ATP10B: variants seen among roughly 807,000 people sequenced by gnomAD.
ATP10B encodes the protein ATPase phospholipid transporting 10B (putative).
In ATP10B, 122 loss-of-function variants were observed where a neutral mutation model predicts 141.2. The observed-to-expected ratio is 0.86, with a 90% CI of 0.75 to 1.00. The LOEUF is 1.00. Ranked by LOEUF, ATP10B falls within the 50% of genes least tolerant of loss-of-function variation. ATP10B has a pLI of 0.00. For missense variants in ATP10B, 1,876 were observed against 1,825.3 expected (o/e 1.03, Z -0.51); for synonymous variants, 685 against 692.0 (o/e 0.99, Z 0.16).
chr5:160,735,192 C>T (rs1055439428), intron 2 of ATP10B, among the ~76,000 whole-genome samples: 18 of 150,052 alleles, frequency 1.2e-4, no homozygotes, highest in Admixed American at 6.6e-5. Flanking sequence ...ACTAAAATCT[C>T]TAATCAAAAA....
intron 1 of ATP10B, among the ~76,000 whole-genome samples, chr5:160,819,087 G>A (rs180840875): frequency 1.6e-3 from 250 of 152,042 alleles, no homozygotes; most frequent in Middle Eastern, 6.8e-3. Context: ...AACATGGCAC[G>A]TGTATACATA....
chr5:160,609,692 T>C (rs1757601431), intron 18 of ATP10B, among the ~76,000 whole-genome samples: 1 of 152,192 alleles, frequency 6.6e-6, no homozygotes, highest in Admixed American at 6.5e-5. Flanking sequence ...CATAACTTAT[T>C]TTGGAAAGAA....
chr5:160,899,573 C>T, the ATP10B span, among the ~76,000 whole-genome samples: 3 of 152,184 alleles, frequency 2.0e-5, no homozygotes, highest in African/African-American at 4.8e-5. Context: ...CAATTATATG[C>T]ATCTCTCCCC....
intron 19 of ATP10B, 130 bp from the exon 20 acceptor site, chr5:160,604,171 T>C: frequency 4.3e-6 from 3 of 700,482 alleles, no homozygotes; most frequent in African/African-American, 1.8e-5. Context: ...TAGAAAGTCA[T>C]TGCTATAGTG....
intron 1 of ATP10B, among the ~76,000 whole-genome samples, chr5:160,803,862 A>G (rs1772577619): frequency 6.6e-6 from 1 of 152,102 alleles, no homozygotes; most frequent in African/African-American, 2.4e-5. Flanking sequence ...TTTGTTATTT[A>G]TTTAACTGGT....
In ATP10B at chr5:160,565,495, C is replaced by A. The variant is rs745690745; in HGVS notation, c.4344G>T (p.Lys1448Asn). Residue 1448 changes from lysine (K) to asparagine (N), a missense_variant, in exon 26 of 26, where the codon AAG (lysine) becomes AAT (asparagine). By Grantham distance (94) the Lys-to-Asn change is moderately conservative. Coordinates refer to ENST00000327245, the MANE Select transcript of ATP10B (RefSeq NM_025153.3). ...RGQTDMCRCS[K>N]RSSHRRSQSS... ...TCTGGGATCGGCGATGGCTGCTCCT[C>A]TTTGAGCACCGGCACATATCAGTCT... The A allele has an allele frequency of 8.7e-6, 14 of 1,614,028 alleles. No individual in the cohort carries two copies. The highest frequency in any genetic ancestry group is 1.2e-5 in the Non-Finnish European group (14 of 1,179,982).
chr5:160,867,016 TCAGATCTAG>T, the ATP10B span, among the ~76,000 whole-genome samples: 2 of 152,136 alleles, frequency 1.3e-5, no homozygotes, highest in Admixed American at 6.6e-5. Flanking sequence ...CTTAGGTCAG[TCAGATCTAG>T]ATTTATGTCC....
At position 160,602,828 on chromosome 5, in the gene ATP10B, G is replaced by A. The variant is rs11738828; in HGVS notation, c.3238-126C>T. ...AGAGTCCTAAAGACCCCTTGTTGTG[G>A]TCACTCTTGGGTAGCTTTTTGGATT... On this transcript the variant is annotated intron_variant, in intron 20 of 25. Transcript: ENST00000327245. 3.8e-6 allele frequency: 5 copies of A among 1,330,972 alleles called. No individual in the cohort carries two copies. In the African/African-American group the frequency reaches 5.9e-5, roughly 16 times the overall value. 82.4% of individuals were successfully genotyped at this position (1,330,972 alleles called of 1,614,324 possible).
chr5:160,691,300 A>G (rs1764063484), intron 3 of ATP10B, among the ~76,000 whole-genome samples: 2 of 152,190 alleles, frequency 1.3e-5, no homozygotes, highest in South Asian at 2.1e-4. Flanking sequence ...GCACAGGTAT[A>G]CTTATGTACA....
intron 8 of ATP10B, among the ~76,000 whole-genome samples, chr5:160,648,678 C>A (rs1760469065): frequency 6.6e-6 from 1 of 152,028 alleles, no homozygotes; most frequent in East Asian, 1.9e-4. Context: ...AAAGAAAAAC[C>A]CTTTGATATA....
At chr5:160,578,788 C>G (rs994465725) in intron 24 of ATP10B, among the ~76,000 whole-genome samples, 8 of 152,222 alleles carry the variant, frequency 5.3e-5, no homozygotes, top group African/African-American at 1.9e-4. Context: ...AATGGTTGAA[C>G]TAATTTACAC....
At chr5:160,595,569 C>CA (rs1315223777) in intron 22 of ATP10B, among the ~76,000 whole-genome samples, 1 of 130,622 alleles carries the variant, frequency 7.7e-6, no homozygotes, top group Non-Finnish European at 1.7e-5. Context: ...AAGAGAGACA[C>CA]AAAAAACCCT....
At chr5:160,577,803 T>C (rs1343113692) in intron 24 of ATP10B, among the ~76,000 whole-genome samples, 2 of 152,204 alleles carry the variant, frequency 1.3e-5, no homozygotes, top group Non-Finnish European at 2.9e-5. Flanking sequence ...CTTTATGATT[T>C]TTTTTTTCTT....
the ATP10B span, among the ~76,000 whole-genome samples, chr5:160,873,769 T>A: frequency 1.3e-5 from 2 of 152,032 alleles, no homozygotes; most frequent in Non-Finnish European, 2.9e-5. Context: ...AAGAAAGGGG[T>A]GACAGACGGC....
intron 2 of ATP10B, among the ~76,000 whole-genome samples, chr5:160,717,779 G>C (rs1765749358): frequency 6.6e-6 from 1 of 152,182 alleles, no homozygotes; most frequent in Non-Finnish European, 1.5e-5. Flanking sequence ...TCTGACTTCA[G>C]AACTGGGGCC....
chr5:160,807,858 A>G (rs1772889915), intron 1 of ATP10B, among the ~76,000 whole-genome samples: 1 of 152,180 alleles, frequency 6.6e-6, no homozygotes, highest in South Asian at 2.1e-4. Context: ...ACCAACTACA[A>G]TGGGCTACCC....
At chr5:160,762,693 T>C (rs984200877) in intron 2 of ATP10B, among the ~76,000 whole-genome samples, 4 of 151,662 alleles carry the variant, frequency 2.6e-5, no homozygotes, top group East Asian at 3.8e-4. Context: ...ACTAGCATAA[T>C]GAACAGAACA....
Position 160,767,642 on chromosome 5 carries a change from C to CCG in ATP10B, c.-331+17916_-331+17917insCG, listed in dbSNP as rs1561833601. On this transcript the variant is annotated intron_variant, in intron 2 of 25. Transcript: ENST00000327245. ...GAGGGTCATGTGTGCAGAACCCCCCCCCCCAAAATAACAGGTTACTCTGAC... is the reference window on the plus strand; with the variant it reads ...GAGGGTCATGTGTGCAGAACCCCCCCCGCCCCAAAATAACAGGTTACTCTGAC... 4.2e-5 allele frequency among the ~76,000 whole-genome samples: 4 copies of CCG among 94,496 alleles called. 1 individual carries two copies. The highest frequency in any genetic ancestry group is 5.4e-3 in the Middle Eastern group (1 of 186). The allele number at this position is 94,496 out of a possible 152,430, so 62.0% of individuals were successfully genotyped here.
In ATP10B at chr5:160,818,803, G is replaced by A. The variant is rs564908855; in HGVS notation, c.-575-33000C>T. Among the ~76,000 whole-genome samples, 3 of 152,282 alleles carry A rather than the reference G, an allele frequency of 2.0e-5. No homozygotes were observed. The South Asian group carries it at 6.2e-4, about 32-fold the overall frequency. ...AGAAAATGTGGCACATGTACACCAT[G>A]GAATACTATGCAGCCATAAAAAATG... On this transcript the variant is annotated intron_variant, in intron 1 of 25. Coordinates refer to ENST00000327245, the MANE Select transcript of ATP10B (RefSeq NM_025153.3).
Sources: allele counts gnomAD v4.1 joint callset (sites outside exome capture counted in the v4.1 genomes callset), GRCh38; gene constraint gnomAD v4.1.1; transcripts MANE v1.5; gene names NCBI Gene and HGNC (gene_info 2026-07-23, HGNC 2026-07-21).